Variants in MCMBP observed in about 807,000 individuals in gnomAD.
MCMBP encodes minichromosome maintenance complex binding protein.
In MCMBP, 31 loss-of-function variants were observed where a neutral mutation model predicts 81.3. The observed-to-expected ratio is 0.38, with a 90% CI of 0.29 to 0.51. The LOEUF (loss-of-function observed/expected upper bound fraction) is 0.51. Among genes scored for constraint, MCMBP ranks in the 20% least tolerant of loss-of-function variants. The pLI is 0.87. For synonymous variants in MCMBP, 267 were observed against 275.9 expected (o/e 0.97, Z 0.32); for missense variants, 645 against 772.1 (o/e 0.84, Z 1.95).
At chr10:119,840,989 ATGC>A in intron 10 of MCMBP, 29 bp from the exon 11 acceptor site, 2 of 1,291,386 alleles carry the variant, frequency 1.5e-6, no homozygotes, top group Non-Finnish European at 2.2e-6. Flanking sequence ...AATCAATAAG[ATGC>A]TGAAGTGACT....
chr10:119,831,909 G>C, intron 15 of MCMBP, 103 bp downstream of exon 15: 5 of 1,222,942 alleles, frequency 4.1e-6, no homozygotes, highest in Non-Finnish European at 5.7e-6. Flanking sequence ...AAAAGGAAAA[G>C]TTCATTTCCG....
intron 11 of MCMBP, 66 bp from the exon 12 acceptor site, chr10:119,838,766 G>A: frequency 7.3e-7 from 1 of 1,363,130 alleles, no homozygotes; most frequent in Non-Finnish European, 1.0e-6. Context: ...ATATGTACTT[G>A]GAATTAAACA....
chr10:119,836,843 G>A, intron 13 of MCMBP, 53 bp downstream of exon 13: 1 of 1,078,062 alleles, frequency 9.3e-7, no homozygotes, highest in Non-Finnish European at 1.2e-6. Flanking sequence ...CAGCAAAAAT[G>A]TAGGTATTTT....
At chr10:119,854,410 A>C (rs1193470748) in intron 5 of MCMBP, among the ~76,000 whole-genome samples, 1 of 151,508 alleles carries the variant, frequency 6.6e-6, no homozygotes, top group African/African-American at 2.4e-5. Context: ...GTTCTTCAAA[A>C]ATTAAGGTGA....
chr10:119,842,712 A>G lies in MCMBP; in HGVS notation c.1001-117T>C, dbSNP rs1852476386. The G allele has an allele frequency of 2.7e-6, 3 of 1,113,660 alleles. No homozygotes were observed. In the South Asian group the frequency reaches 4.9e-5, roughly 18 times the overall value. 69.0% of individuals were successfully genotyped at this position (1,113,660 alleles called of 1,614,324 possible). A position where few individuals can be genotyped will look rare whatever the true frequency, so the allele number is the denominator to read the frequency against. On this transcript the variant is annotated intron_variant, in intron 9 of 15. Coordinates refer to ENST00000369077, the MANE Select transcript of MCMBP (RefSeq NM_001256378.2). ...ATTCAGTCGACAGTAGGTAAAGCTT[A>G]ACATATCCGTCAGTAAGTGATGCTA...
At position 119,842,785 on chromosome 10, in the gene MCMBP, A is replaced by C. The variant is rs530904666; in HGVS notation, c.1001-190T>G. 28 of 536,550 alleles carry C rather than the reference A, an allele frequency of 5.2e-5. No individual in the cohort carries two copies. In the South Asian group the frequency reaches 5.8e-4, roughly 11 times the overall value. 33.2% of individuals were successfully genotyped at this position (536,550 alleles called of 1,614,324 possible). On this transcript the variant is annotated intron_variant, in intron 9 of 15. Coordinates refer to ENST00000369077, the MANE Select transcript of MCMBP (RefSeq NM_001256378.2). ...CATCCTCCTTTTTTTTTTTTTTGAG[A>C]CCAAGTTTTGCTCTTTTTGCCTAGC...
Position 119,838,582 on chromosome 10 carries a change from A to C in MCMBP, c.1361T>G (p.Leu454Arg). ...GLLQLPSNTSLVIDETLLEQG... is the reference protein window; with the variant it reads ...GLLQLPSNTSRVIDETLLEQG... ...TTCCAGGAGAGTCTCATCGATTACA[A>C]GGGAAGTATTGCTGGGCAGCTGGAG... The change falls in exon 12 of 16, where the codon CTT becomes CGT. Residue 454 changes from leucine (L) to arginine (R), a missense_variant. Leu to Arg is a moderately radical substitution (Grantham distance 102, BLOSUM62 -2). Transcript: ENST00000369077. 1 of 1,614,140 alleles carries C rather than the reference A, an allele frequency of 6.2e-7. No individual in the cohort carries two copies. The highest frequency in any genetic ancestry group is 2.2e-5 in the East Asian group (1 of 44,882).
chr10:119,839,274 A>G (rs968378009), intron 11 of MCMBP, among the ~76,000 whole-genome samples: 1 of 152,146 alleles, frequency 6.6e-6, no homozygotes, highest in Non-Finnish European at 1.5e-5. Flanking sequence ...CGAACCATCT[A>G]TGCTCCTCCT....
At chr10:119,842,405 A>G in intron 10 of MCMBP, 67 bp downstream of exon 10, 1 of 1,537,550 alleles carries the variant, frequency 6.5e-7, no homozygotes. Flanking sequence ...GACACCAGCA[A>G]TCTTCCCGCT....
At chr10:119,850,874 G>GT (rs1284100421) in intron 6 of MCMBP, among the ~76,000 whole-genome samples, 4,499 of 130,518 alleles carry the variant, frequency 0.034, 161 homozygotes, top group South Asian at 0.075. Flanking sequence ...TACAAGATCT[G>GT]TTTTTTTTTT....
intron 12 of MCMBP, among the ~76,000 whole-genome samples, chr10:119,837,544 A>G (rs1257084456): frequency 6.6e-6 from 1 of 152,172 alleles, no homozygotes; most frequent in Non-Finnish European, 1.5e-5. Context: ...ATATTCCGCA[A>G]CTGAGGTTAG....
chr10:119,851,082 A>T (rs1030212914), intron 6 of MCMBP, among the ~76,000 whole-genome samples: 1 of 151,880 alleles, frequency 6.6e-6, no homozygotes, highest in Non-Finnish European at 1.5e-5. Context: ...CATGTTTGCC[A>T]GACTGGAACT....
chr10:119,836,870 C>G, intron 13 of MCMBP, 26 bp downstream of exon 13: 1 of 1,535,502 alleles, frequency 6.5e-7, no homozygotes, highest in Non-Finnish European at 8.8e-7. Flanking sequence ...GTCAACCTCC[C>G]TCCATTTAAA....
At chr10:119,851,903 A>T (rs1455489233) in intron 6 of MCMBP, among the ~76,000 whole-genome samples, 1 of 152,148 alleles carries the variant, frequency 6.6e-6, no homozygotes, top group Non-Finnish European at 1.5e-5. Flanking sequence ...CTGTAATCCC[A>T]GAACTTTGGG....
chr10:119,868,671 A>G (rs1412713109), intron 1 of MCMBP, among the ~76,000 whole-genome samples: 2 of 152,218 alleles, frequency 1.3e-5, no homozygotes, highest in African/African-American at 4.8e-5. Flanking sequence ...TCAACAATGC[A>G]CTTTACACAC....
chr10:119,864,017 A>AC (rs1853359946), intron 1 of MCMBP, among the ~76,000 whole-genome samples: 1 of 151,180 alleles, frequency 6.6e-6, no homozygotes, highest in Admixed American at 6.6e-5. Context: ...AAAAAAAAAA[A>AC]CAATCTGGGT....
intron 12 of MCMBP, 148 bp from the exon 13 acceptor site, chr10:119,837,177 T>A: frequency 1.3e-6 from 1 of 768,530 alleles, no homozygotes; most frequent in Non-Finnish European, 2.0e-6. Flanking sequence ...TAAACGTCAC[T>A]AAGTGTGTAG....
At chr10:119,851,557 C>T (rs2134373682) in intron 6 of MCMBP, among the ~76,000 whole-genome samples, 1 of 152,146 alleles carries the variant, frequency 6.6e-6, no homozygotes, top group Non-Finnish European at 1.5e-5. Flanking sequence ...CTTAGCCTCC[C>T]AAACAGCTGG....
Position 119,830,757 on chromosome 10 carries a change from G to GTGA in MCMBP, c.*714_*716dup, listed in dbSNP as rs1404206046. 1.3e-5 allele frequency: 2 copies of GTGA among 152,536 alleles called. No homozygotes were observed. Among genetic ancestry groups the GTGA allele is most frequent in the Non-Finnish European group, 2.9e-5 (2 of 68,026 alleles). The allele number at this position is 152,536 out of a possible 1,614,324, so 9.4% of individuals were successfully genotyped here. The stretch of plus-strand genomic sequence containing the variant: ...GTCCTTTCCTTTTATGAAAAAAATG[G>GTGA]TGATAATACAGTGATTTATTCGGAT... On this transcript the variant is annotated 3_prime_UTR_variant, in exon 16 of 16. Coordinates refer to ENST00000369077, the MANE Select transcript of MCMBP (RefSeq NM_001256378.2).
Sources: gnomAD v4.1 joint callset for allele counts (sites outside exome capture counted in the v4.1 genomes callset) on GRCh38, gnomAD v4.1.1 for gene constraint, MANE v1.5 for transcripts, NCBI Gene and HGNC (gene_info 2026-07-23, HGNC 2026-07-21) for gene names.